The following WDR53 variants were observed in gnomAD, a reference collection of about 807,000 sequenced individuals.
WDR53 encodes WD repeat-containing protein 53.
In WDR53, 19 loss-of-function variants were observed where a neutral mutation model predicts 21.3. The ratio of observed to expected loss-of-function variants is 0.89; its 90% CI spans 0.62 to 1.31. The LOEUF (loss-of-function observed/expected upper bound fraction) is 1.31. Among genes scored for constraint, WDR53 ranks in the 50% most tolerant of loss-of-function variants. The pLI is 0.00. For missense variants in WDR53, 374 were observed against 423.2 expected, an observed-to-expected ratio of 0.88 and a Z score of 1.02; for synonymous variants, 157 against 163.4, an observed-to-expected ratio of 0.96 and a Z score of 0.30.
intron 2 of WDR53, among the ~76,000 whole-genome samples, chr3:196,562,174 G>A (rs1734936796): frequency 6.6e-6 from 1 of 152,194 alleles, no homozygotes; most frequent in Admixed American, 6.5e-5. Context: ...CTAGGAACTT[G>A]TCAGAAATGC....
chr3:196,561,051 A>G lies in WDR53; in HGVS notation c.425T>C (p.Val142Ala), dbSNP rs1319760534. 2.5e-6 allele frequency: 4 copies of G among 1,614,242 alleles called. No homozygotes were observed. Among genetic ancestry groups the G allele is most frequent in the Admixed American group, 3.3e-5 (2 of 60,026 alleles). Residue 142 changes from valine to alanine, a missense_variant, in exon 3 of 4, where the codon GTG (valine) becomes GCG (alanine). By Grantham distance (64) the Val-to-Ala change is moderately conservative. Coordinates refer to ENST00000332629, the MANE Select transcript of WDR53 (RefSeq NM_182627.3). ...LKRHSNICSS[V>A]AFRPQRPQSL... ...CTGAGGCCTCTGAGGCCGAAAAGCC[A>G]CTGAGGAGCAGATATTGGAATGTCT...
At position 196,554,725 on chromosome 3, in the gene WDR53, G is replaced by A. The variant is rs1202232748; in HGVS notation, c.563C>T (p.Pro188Leu). ...GTTTAAGAGCTGACCAGGTGACTGT[G>A]GGCCTTCCATTTCTTCTGTTTCATC... ...QEDETEEMEG[P>L]QSPGQLLNPA... The change falls in exon 4 of 4, where the codon CCA (proline) becomes CTA (leucine). Residue 188 changes from proline to leucine, a missense_variant. By Grantham distance (98) the Pro-to-Leu change is moderately conservative (BLOSUM62 -3). Transcript: ENST00000332629. The A allele has an allele frequency of 5.0e-6, 8 of 1,614,010 alleles. No individual in the cohort carries two copies. The South Asian group carries it at 7.7e-5, about 16-fold the overall frequency.
intron 1 of WDR53, among the ~76,000 whole-genome samples, chr3:196,567,904 C>G (rs1183202186): frequency 1.3e-5 from 2 of 152,102 alleles, no homozygotes; most frequent in Non-Finnish European, 1.5e-5. Flanking sequence ...GCGCACGCCA[C>G]CACCCTCGGC....
At chr3:196,563,860 C>T (rs1340979215) in intron 2 of WDR53, among the ~76,000 whole-genome samples, 1 of 152,214 alleles carries the variant, frequency 6.6e-6, no homozygotes, top group African/African-American at 2.4e-5. Context: ...GCGTGCGTCA[C>T]CGCACCCAGC....
chr3:196,554,899 G>C lies in WDR53; in HGVS notation c.481-92C>G, dbSNP rs185194876. The C allele has an allele frequency of 2.2e-4, 238 of 1,087,644 alleles. 1 individual carries two copies. In the East Asian group the frequency reaches 4.3e-3, roughly 20 times the overall value. The allele number at this position is 1,087,644 out of a possible 1,614,324, so 67.4% of individuals were successfully genotyped here. A position where few individuals can be genotyped will look rare whatever the true frequency, so the allele number is the denominator to read the frequency against. On this transcript the variant is annotated intron_variant, in intron 3 of 3. Coordinates refer to ENST00000332629, the MANE Select transcript of WDR53 (RefSeq NM_182627.3). ...TTCAGCTTCTAATAAAATCGTTAAA[G>C]TAGTCTGAGAATGAGCAGTAGTGCA...
Position 196,554,326 on chromosome 3 carries a change from A to G in WDR53, c.962T>C (p.Ile321Thr), listed in dbSNP as rs2108678574. The G allele has an allele frequency of 1.2e-6, 2 of 1,614,068 alleles. No individual in the cohort carries two copies. The highest frequency in any genetic ancestry group is 1.7e-5 in the Admixed American group (1 of 59,998). Residue 321 changes from isoleucine to threonine, a missense_variant, in exon 4 of 4, where the codon ATT becomes ACT. Transcript: ENST00000332629. ...EHGNILPKLN[I>T]EHGEKVNWLL... ...CCAGTTCACTTTTTCTCCATGTTCA[A>G]TATTTAGCTTTGGTAAAATGTTGCC... is the stretch of plus-strand genomic sequence containing the variant.
At chr3:196,557,735 T>G (rs1734460256) in intron 3 of WDR53, among the ~76,000 whole-genome samples, 1 of 152,036 alleles carries the variant, frequency 6.6e-6, no homozygotes, top group Non-Finnish European at 1.5e-5. Context: ...AGAAAAAAAC[T>G]ATAGTTGAAT....
At chr3:196,560,191 C>T (rs574980022) in intron 3 of WDR53, among the ~76,000 whole-genome samples, 5 of 152,260 alleles carry the variant, frequency 3.3e-5, no homozygotes, top group African/African-American at 1.2e-4. Flanking sequence ...GATACATCTA[C>T]TCTCCTGATG....
chr3:196,567,588 G>A (rs532458160), intron 1 of WDR53, among the ~76,000 whole-genome samples: 2 of 152,248 alleles, frequency 1.3e-5, no homozygotes, highest in South Asian at 4.1e-4. Flanking sequence ...TGAGGATTAC[G>A]TATATAAAAA....
intron 2 of WDR53, among the ~76,000 whole-genome samples, chr3:196,564,057 G>A (rs1735139348): frequency 6.6e-6 from 1 of 151,974 alleles, no homozygotes; most frequent in South Asian, 2.1e-4. Context: ...AATATACAGA[G>A]GAAACTAACT....
chr3:196,554,586 T>TTCC lies in WDR53; in HGVS notation c.699_701dup (p.Glu234dup), dbSNP rs1560298874. 1 of 1,614,082 alleles carries TTCC rather than the reference T, an allele frequency of 6.2e-7. No individual in the cohort carries two copies. Among genetic ancestry groups the TTCC allele is most frequent in the Admixed American group, 1.7e-5 (1 of 60,004 alleles). The stretch of plus-strand genomic sequence containing the variant: ...CTGAAGTGTGGCCCTTAAATCCCAG[T>TTCC]TCCTGTTCACACTTAACTCCCATCA... On this transcript the variant is annotated inframe_insertion, in exon 4 of 4. Transcript: ENST00000332629.
At chr3:196,563,721 GCCA>G (rs1015169123) in intron 2 of WDR53, among the ~76,000 whole-genome samples, 1 of 152,104 alleles carries the variant, frequency 6.6e-6, no homozygotes, top group Non-Finnish European at 1.5e-5. Flanking sequence ...ATAGACGCCT[GCCA>G]CCACGCCAGG....
In WDR53 at chr3:196,567,291, G is replaced by A. The variant is rs1449086914; in HGVS notation, c.-431C>T. On this transcript the variant is annotated 5_prime_UTR_variant, in exon 2 of 4. Coordinates refer to ENST00000332629, the MANE Select transcript of WDR53 (RefSeq NM_182627.3). ...CTGGATAGCAACCAAAATGATTGAA[G>A]GGCTGTGGCGCTGGCACTGGTAAGA... The A allele has an allele frequency of 2.2e-6, 1 of 455,724 alleles. No homozygotes were observed. Among genetic ancestry groups the A allele is most frequent in the African/African-American group, 2.0e-5 (1 of 50,072 alleles). The allele number at this position is 455,724 out of a possible 1,614,324, so 28.2% of individuals were successfully genotyped here.
chr3:196,566,416 CTT>C (rs1330674667), intron 2 of WDR53, among the ~76,000 whole-genome samples: 16 of 140,536 alleles, frequency 1.1e-4, no homozygotes, highest in Non-Finnish European at 1.1e-4. Context: ...GCATTTTTTT[CTT>C]TTTTTTTTTT....
At chr3:196,559,529 T>C (rs73891287) in intron 3 of WDR53, among the ~76,000 whole-genome samples, 7,940 of 152,136 alleles carry the variant, frequency 0.052, 659 homozygotes, top group African/African-American at 0.18. Context: ...TCTTCAGTTA[T>C]GAGGGGTATG....
At chr3:196,558,893 T>C (rs1734572628) in intron 3 of WDR53, among the ~76,000 whole-genome samples, 1 of 152,252 alleles carries the variant, frequency 6.6e-6, no homozygotes, top group Admixed American at 6.5e-5. Flanking sequence ...CATGAACCTT[T>C]AGCAATTTTA....
intron 2 of WDR53, among the ~76,000 whole-genome samples, chr3:196,564,395 CTTT>C (rs1553872894): frequency 1.5e-5 from 2 of 135,904 alleles, no homozygotes; most frequent in Non-Finnish European, 1.6e-5. Context: ...TTTCTTTTTT[CTTT>C]TTTTTTTTTT....
chr3:196,568,033 T>C (rs185686737), intron 1 of WDR53, among the ~76,000 whole-genome samples: 2 of 152,310 alleles, frequency 1.3e-5, no homozygotes, highest in Admixed American at 1.3e-4. Flanking sequence ...ATTCTCCCTA[T>C]TGGAATGTTT....
chr3:196,555,739 G>C lies in WDR53; in HGVS notation c.481-932C>G, dbSNP rs184940317. On this transcript the variant is annotated intron_variant, in intron 3 of 3. Transcript: ENST00000332629. ...AGAAGCATGAGCTTGTTTAGACAGT[G>C]AAAAGCATAGATCTGAATTGGCAAG... 1.8e-4 allele frequency among the ~76,000 whole-genome samples: 28 copies of C among 152,302 alleles called. 2 individuals are homozygous for C. In the Middle Eastern group the frequency reaches 0.031, roughly 167 times the overall value.
Sources: allele counts gnomAD v4.1 joint callset (sites outside exome capture counted in the v4.1 genomes callset), GRCh38; gene constraint gnomAD v4.1.1; transcripts MANE v1.5; gene names NCBI Gene and HGNC (gene_info 2026-07-23, HGNC 2026-07-21).